The following BICRA variants were observed in gnomAD, a reference collection of about 807,000 sequenced individuals.
BICRA encodes the protein BRD4-interacting chromatin-remodeling complex-associated protein.
Under a neutral mutation model 96.9 loss-of-function variants are expected in BICRA, and 31 were observed. The observed-to-expected ratio is 0.32, with a 90% confidence interval of 0.24 to 0.43. The LOEUF is 0.43. Among genes scored for constraint, BICRA ranks in the 20% least tolerant of loss-of-function variants. BICRA has a pLI of 1.00. For synonymous variants in BICRA, 1,350 were observed against 1,071.8 expected, an observed-to-expected ratio of 1.26 and a Z score of -5.07; for missense variants, 2,283 against 2,190.3, an observed-to-expected ratio of 1.04 and a Z score of -0.84.
Position 47,696,510 on chromosome 19 carries a change from C to T in BICRA, c.3246C>T (p.Ala1082=), listed in dbSNP as rs1973345800. ...KPPTLQPSKE[A]CFLEHLHKHQ... The stretch of plus-strand genomic sequence containing the variant: ...CCACGCTTCAGCCCAGCAAGGAAGC[C>T]TGGTGAGTCCACACCCCATCCTTGC... The change falls in exon 11 of 15, where the codon GCC becomes GCT. Residue 1082 remains alanine, a splice_region_variant and synonymous_variant. Transcript: ENST00000594866. 1 of 1,601,514 alleles carries T rather than the reference C, an allele frequency of 6.2e-7. No individual in the cohort carries two copies. The highest frequency in any genetic ancestry group is 1.7e-5 in the Admixed American group (1 of 58,398).
intron 7 of BICRA, among the ~76,000 whole-genome samples, chr19:47,685,542 A>G (rs1013687719): frequency 2.0e-5 from 3 of 152,144 alleles, no homozygotes; most frequent in Non-Finnish European, 4.4e-5. Context: ...TGATTGGCCA[A>G]GTGTCCCCTG....
chr19:47,687,501 T>C (rs1328210102), intron 7 of BICRA, among the ~76,000 whole-genome samples: 1 of 152,112 alleles, frequency 6.6e-6, no homozygotes, highest in Non-Finnish European at 1.5e-5. Context: ...ACAAAACTCC[T>C]ATAAGATATT....
Position 47,680,970 on chromosome 19 carries a change from C to T in BICRA, c.1800C>T (p.Asp600=). 5 of 1,472,672 alleles carry T rather than the reference C, an allele frequency of 3.4e-6. No individual in the cohort carries two copies. The highest frequency in any genetic ancestry group is 2.9e-5 in the East Asian group (1 of 34,886). 91.2% of individuals were successfully genotyped at this position (1,472,672 alleles called of 1,614,324 possible). A position where few individuals can be genotyped will look rare whatever the true frequency, so the allele number is the denominator to read the frequency against. ...CCGTGGCCATGCTCAACACCCCCGA[C>T]GGCCTGGTGCAGCCGGCCACCCCTG... The part of the protein sequence containing the change: ...PSAVAMLNTP[D]GLVQPATPAA... The change falls in exon 6 of 15, where the codon GAC becomes GAT. Residue 600 remains aspartate (D), a synonymous_variant. Transcript: ENST00000594866.
intron 8 of BICRA, 24 bp downstream of exon 8, chr19:47,694,750 G>GC (rs1973306555): frequency 8.5e-7 from 1 of 1,177,738 alleles, no homozygotes; most frequent in Non-Finnish European, 1.2e-6. Context: ...GGGACTGCCC[G>GC]CCCCATCAGC....
chr19:47,684,215 C>T (rs1973110616), intron 7 of BICRA, among the ~76,000 whole-genome samples: 1 of 152,152 alleles, frequency 6.6e-6, no homozygotes, highest in African/African-American at 2.4e-5. Context: ...CAGAGTCCCA[C>T]TCCGTCGCCT....
intron 1 of BICRA, among the ~76,000 whole-genome samples, chr19:47,632,594 G>A (rs894421443): frequency 6.6e-6 from 1 of 152,226 alleles, no homozygotes. Flanking sequence ...AACCGCACGT[G>A]TGGGCTCCCA....
At position 47,682,050 on chromosome 19, in the gene BICRA, G is replaced by A. The variant is rs200583519; in HGVS notation, c.2181G>A (p.Pro727=). The change falls in exon 7 of 15, where the codon CCG becomes CCA. Residue 727 remains proline (P), a synonymous_variant. Transcript: ENST00000594866. ...CTGCCTCGGTCATAGTCAGCGCCCC[G>A]CCTCCCGCCCAAGACCCAGCCCCAG... ...SVPASVIVSA[P]PPAQDPAPAT... 15 of 1,535,538 alleles carry A rather than the reference G, an allele frequency of 9.8e-6. No homozygotes were observed. Among genetic ancestry groups the A allele is most frequent in the Admixed American group, 3.7e-5 (2 of 54,048 alleles).
chr19:47,652,908 C>T (rs548819666), intron 1 of BICRA, among the ~76,000 whole-genome samples: 2 of 151,556 alleles, frequency 1.3e-5, no homozygotes, highest in East Asian at 1.9e-4. Flanking sequence ...TCACCCTTTT[C>T]TTAAGCAGAT....
chr19:47,691,653 TC>T (rs1410549748), intron 7 of BICRA, among the ~76,000 whole-genome samples: 3 of 152,150 alleles, frequency 2.0e-5, no homozygotes, highest in African/African-American at 7.2e-5. Flanking sequence ...AGCCTCTGCC[TC>T]CCAGGTTCAA....
rs966022345 is a variant in BICRA at position 47,694,446 on chromosome 19, C to A, written c.2615C>A (p.Pro872Gln). The change falls in exon 8 of 15, where the codon CCG (proline) becomes CAG (glutamine). Residue 872 changes from proline to glutamine, a missense_variant. Coordinates refer to ENST00000594866, the MANE Select transcript of BICRA (RefSeq NM_001394372.1). ...LRPQSQPPEG[P>Q]LPPAPHLPPS... is the part of the protein sequence containing the mutation. ...CCCCAGTCCCAGCCGCCTGAGGGAC[C>A]GCTGCCCCCAGCCCCCCACCTCCCT... 2 of 1,105,316 alleles carry A rather than the reference C, an allele frequency of 1.8e-6. No individual in the cohort carries two copies. Among genetic ancestry groups the A allele is most frequent in the Admixed American group, 3.7e-5 (2 of 53,438 alleles). The allele number at this position is 1,105,316 out of a possible 1,614,324, so 68.5% of individuals were successfully genotyped here. A position where few individuals can be genotyped will look rare whatever the true frequency, so the allele number is the denominator to read the frequency against.
At chr19:47,639,414 C>T (rs1215802333) in intron 1 of BICRA, among the ~76,000 whole-genome samples, 3 of 149,562 alleles carry the variant, frequency 2.0e-5, no homozygotes, top group Admixed American at 6.7e-5. Flanking sequence ...GCAAGCTCCA[C>T]CTCCCGGGTT....
At position 47,680,110 on chromosome 19, in the gene BICRA, T is replaced by A. The variant is rs773360025; in HGVS notation, c.940T>A (p.Ser314Thr). Residue 314 changes from serine to threonine, a missense_variant, in exon 6 of 15, where the codon TCG becomes ACG. By Grantham distance (58) the Ser-to-Thr change is moderately conservative. Coordinates refer to ENST00000594866, the MANE Select transcript of BICRA (RefSeq NM_001394372.1). The stretch of plus-strand genomic sequence containing the variant: ...TGTGTTCGGAGGCGCGGGGGCCGCC[T>A]CGGCTCCCACCGGGACGCCCTCGGG... ...NSVFGGAGAA[S>T]APTGTPSGQP... 7.2e-6 allele frequency: 11 copies of A among 1,537,964 alleles called. No homozygotes were observed. Among genetic ancestry groups the A allele is most frequent in the Non-Finnish European group, 9.5e-6 (11 of 1,154,076 alleles).
At chr19:47,672,959 CCCTT>C (rs1441957246) in intron 2 of BICRA, among the ~76,000 whole-genome samples, 1 of 152,138 alleles carries the variant, frequency 6.6e-6, no homozygotes, top group Non-Finnish European at 1.5e-5. Flanking sequence ...CACCACCCTC[CCCTT>C]CCTTGGGAAC....
Position 47,681,264 on chromosome 19 carries a change from G to A in BICRA, c.2094G>A (p.Met698Ile), listed in dbSNP as rs1384139142. Residue 698 changes from methionine to isoleucine, a missense_variant, in exon 6 of 15, where the codon ATG becomes ATA. Met to Ile is a conservative substitution (Grantham distance 10). Transcript: ENST00000594866. ...TCCTCACTCAGGACTCCCTGCAGATGTTCCTGCCCCAGGTAAGCAGGGCGG... is the reference window on the plus strand; with the variant it reads ...TCCTCACTCAGGACTCCCTGCAGATATTCCTGCCCCAGGTAAGCAGGGCGG... ...TAILTQDSLQ[M>I]FLPQERSQQP... 6.5e-7 allele frequency: 1 copy of A among 1,540,898 alleles called. No individual in the cohort carries two copies. The highest frequency in any genetic ancestry group is 1.9e-5 in the Admixed American group (1 of 51,626).
chr19:47,648,669 T>G (rs557673962), intron 1 of BICRA, among the ~76,000 whole-genome samples: 11 of 149,706 alleles, frequency 7.3e-5, no homozygotes, highest in African/African-American at 2.2e-4. Flanking sequence ...GTCAGGAGTT[T>G]TTTTTTTTTG....
intron 1 of BICRA, among the ~76,000 whole-genome samples, chr19:47,635,414 ATTT>A (rs879628254): frequency 1.4e-5 from 2 of 146,444 alleles, no homozygotes; most frequent in African/African-American, 5.0e-5. Flanking sequence ...CATGTGGCTA[ATTT>A]TTTTTTTTTA....
intron 1 of BICRA, among the ~76,000 whole-genome samples, chr19:47,609,640 C>T (rs920193878): frequency 4.6e-5 from 7 of 151,738 alleles, no homozygotes; most frequent in South Asian, 2.1e-4. Context: ...CCTCCCCTCG[C>T]CCCGCTCCCC....
chr19:47,664,530 C>T (rs1434822733), intron 1 of BICRA, among the ~76,000 whole-genome samples: 2 of 152,164 alleles, frequency 1.3e-5, no homozygotes, highest in African/African-American at 4.8e-5. Flanking sequence ...TGACCACCTC[C>T]GAGTCTCCTT....
chr19:47,699,457 C>A lies in BICRA; in HGVS notation c.3595+52C>A. ...GGAGGGAGAGGTGCCCCCACCCCACCTGGGCAGAAGAGTTAGATTCAGGGC... is the reference window on the plus strand; with the variant it reads ...GGAGGGAGAGGTGCCCCCACCCCACATGGGCAGAAGAGTTAGATTCAGGGC... On this transcript the variant is annotated intron_variant, in intron 14 of 14. Transcript: ENST00000594866. The surrounding 1 kb of genome is among the most constrained non-coding windows in gnomAD (Gnocchi z 5.0). 1 of 1,038,252 alleles carries A rather than the reference C, an allele frequency of 9.6e-7. No homozygotes were observed. The highest frequency in any genetic ancestry group is 1.5e-6 in the Non-Finnish European group (1 of 679,878). 64.3% of individuals were successfully genotyped at this position (1,038,252 alleles called of 1,614,324 possible).
Sources: allele counts gnomAD v4.1 joint callset (sites outside exome capture counted in the v4.1 genomes callset), GRCh38; gene constraint gnomAD v4.1.1; non-coding constraint Gnocchi (gnomAD v3.1); transcripts MANE v1.5; gene names NCBI Gene and HGNC (gene_info 2026-07-23, HGNC 2026-07-21).